The following APOB variants were observed in gnomAD, a reference collection of about 807,000 sequenced individuals.
APOB encodes apolipoprotein B, also known as apolipoprotein B-100.
APOB carries 153 observed loss-of-function variants against 314.1 expected under a neutral mutation model. That is an observed-to-expected ratio of 0.49 (90% confidence interval 0.43 to 0.56). The LOEUF (loss-of-function observed/expected upper bound fraction) is 0.56. APOB is among the 20% of genes least tolerant of loss of function. The probability of loss-of-function intolerance (pLI) is 0.00; values close to 1 mark genes in which losing one functional copy is unlikely to be tolerated. For synonymous variants in APOB, 2,087 were observed against 2,036.4 expected (o/e 1.02, Z -0.67); for missense variants, 5,430 against 5,350.7 (o/e 1.01, Z -0.46).
At position 21,001,939 on chromosome 2, in the gene APOB, A is replaced by T; in HGVS notation, c.13483T>A (p.Phe4495Ile). 1.2e-6 allele frequency: 2 copies of T among 1,614,014 alleles called. No individual in the cohort carries two copies. The highest frequency in any genetic ancestry group is 1.7e-6 in the Non-Finnish European group (2 of 1,179,970). ...KKIISDYHQQ[F>I]RYKLQDFSDQ... ...GAAAAATCTTGCAGTTTATATCTAA[A>T]CTGCTGGTGGTAATCAGAAATTATT... The change falls in exon 29 of 29, where the codon TTT becomes ATT. Residue 4495 changes from phenylalanine (F) to isoleucine (I), a missense_variant. Coordinates refer to ENST00000233242, the MANE Select transcript of APOB (RefSeq NM_000384.3).
chr2:21,032,428 C>T lies in APOB; in HGVS notation c.1278G>A (p.Leu426=). Residue 426 remains leucine (L), a synonymous_variant, in exon 10 of 29, where the codon CTG becomes CTA. Coordinates refer to ENST00000233242, the MANE Select transcript of APOB (RefSeq NM_000384.3). ...ALIPEPSAQQ[L]REIFNMARDQ... is the part of the protein sequence containing the mutation. ...CCCTCGCCATGTTGAAGATCTCTCG[C>T]AGCTGCTGTGCTGAGGGCTCGGGGA... 2 of 1,614,130 alleles carry T rather than the reference C, an allele frequency of 1.2e-6. No homozygotes were observed. Among genetic ancestry groups the T allele is most frequent in the Non-Finnish European group, 1.7e-6 (2 of 1,180,040 alleles).
At chr2:21,016,703 G>T (rs754936845) in intron 20 of APOB, 54 bp from the exon 21 acceptor site, 38 of 1,239,940 alleles carry the variant, frequency 3.1e-5, no homozygotes, top group Admixed American at 5.1e-5. Flanking sequence ...CTATGTTTTG[G>T]GCCGGGTGCG....
chr2:21,008,398 G>C lies in APOB; in HGVS notation c.8470C>G (p.Leu2824Val), dbSNP rs757424322. 30 of 1,613,910 alleles carry C rather than the reference G, an allele frequency of 1.9e-5. No homozygotes were observed. The highest frequency in any genetic ancestry group is 2.5e-5 in the Non-Finnish European group (29 of 1,179,982). Residue 2824 changes from leucine (L) to valine (V), a missense_variant, in exon 26 of 29, where the codon CTG (leucine) becomes GTG (valine). Physicochemically the swap from Leu to Val is conservative, Grantham distance 32. Transcript: ENST00000233242. ...CTGGAGAACTTCACTGACTCCTTCA[G>C]AGCCAGCGGATTAATCTTAGGGTTT... Reference protein sequence around the residue: ...LSNPKINPLALKESVKFSSKY... With the variant: ...LSNPKINPLAVKESVKFSSKY...
chr2:21,008,764 G>C lies in APOB; in HGVS notation c.8104C>G (p.Pro2702Ala). Residue 2702 changes from proline (P) to alanine (A), a missense_variant, in exon 26 of 29, where the codon CCT (proline) becomes GCT (alanine). Pro to Ala is a conservative substitution (Grantham distance 27). This residue lies in a region of APOB where 3,281 missense variants were observed against 3,171.0 expected (regional missense o/e 1.03). Coordinates refer to ENST00000233242, the MANE Select transcript of APOB (RefSeq NM_000384.3). Reference sequence around the variant, plus strand: ...TCTGGCAGGGTGATTCTCGCTAGAGGAATGTCCTCCACCTTCAGATCCCTG... The same window carrying C: ...TCTGGCAGGGTGATTCTCGCTAGAGCAATGTCCTCCACCTTCAGATCCCTG... ...YLRDLKVEDI[P>A]LARITLPDFR... The C allele has an allele frequency of 6.2e-7, 1 of 1,614,040 alleles. No homozygotes were observed. Among genetic ancestry groups the C allele is most frequent in the Non-Finnish European group, 8.5e-7 (1 of 1,179,946 alleles).
In APOB at chr2:21,011,802, C is replaced by A. The variant is rs151009667; in HGVS notation, c.5066G>T (p.Arg1689Leu). ...GAATTTTGCATTGTGTTCCCTGAAG[C>A]GGCCATTTGTTGTTAATTTCATAGA... ...GASMKLTTNG[R>L]FREHNAKFSL... Residue 1689 changes from arginine (R) to leucine (L), a missense_variant, in exon 26 of 29, where the codon CGC (arginine) becomes CTC (leucine). Physicochemically the swap from Arg to Leu is moderately radical, Grantham distance 102. This residue lies in a region of APOB where 2,085 missense variants were observed against 2,079.7 expected (regional missense o/e 1.00). Coordinates refer to ENST00000233242, the MANE Select transcript of APOB (RefSeq NM_000384.3). 2.5e-6 allele frequency: 4 copies of A among 1,614,064 alleles called. No homozygotes were observed. Among genetic ancestry groups the A allele is most frequent in the Non-Finnish European group, 2.5e-6 (3 of 1,180,002 alleles).
rs1173551938 is a variant in APOB, at chr2:21,006,254, A to T, written c.10614T>A (p.Ile3538=). Residue 3538 remains isoleucine, a synonymous_variant, in exon 26 of 29, where the codon ATT becomes ATA. Coordinates refer to ENST00000233242, the MANE Select transcript of APOB (RefSeq NM_000384.3). Reference sequence around the variant, plus strand: ...TTACTTCAAGGTTCCAGATATCATCAATTTTGGAAGTGCCCTGCAGCTTCA... The same window carrying T: ...TTACTTCAAGGTTCCAGATATCATCTATTTTGGAAGTGCCCTGCAGCTTCA... ...SSVKLQGTSK[I]DDIWNLEVKE... The T allele has an allele frequency of 7.4e-6, 12 of 1,614,034 alleles. No individual in the cohort carries two copies. The highest frequency in any genetic ancestry group is 4.5e-5 in the East Asian group (2 of 44,882).
chr2:21,034,680 C>A (rs1017260886), intron 8 of APOB, 136 bp downstream of exon 8: 1 of 739,936 alleles, frequency 1.4e-6, no homozygotes. Flanking sequence ...TGCTTTCTCA[C>A]TAGAGGTAGC....
chr2:21,002,552 G>A lies in APOB; in HGVS notation c.12870C>T (p.Leu4290=). 2 of 1,613,992 alleles carry A rather than the reference G, an allele frequency of 1.2e-6. No homozygotes were observed. The highest frequency in any genetic ancestry group is 1.7e-6 in the Non-Finnish European group (2 of 1,179,932). Residue 4290 remains leucine (L), a synonymous_variant, in exon 29 of 29, where the codon CTC becomes CTT. Transcript: ENST00000233242. The stretch of plus-strand genomic sequence containing the variant: ...GATTACGTAGCACCTCTGTGGTCTT[G>A]AGAGACTGAATGGCTTTAAATACCT... ...AQEVFKAIQS[L]KTTEVLRNLQ...
rs182561283 is a variant in APOB at position 21,015,644 on chromosome 2, T to C, written c.3333-99A>G. 3,061 of 1,295,212 alleles carry C rather than the reference T, an allele frequency of 2.4e-3. 10 individuals are homozygous for C. The highest frequency in any genetic ancestry group is 2.7e-3 in the South Asian group (223 of 81,408). 80.2% of individuals were successfully genotyped at this position (1,295,212 alleles called of 1,614,324 possible). ...TCCATTTGTGGTGATCAAAACCAGA[T>C]ACAAGGATGGTTCAGAGAAACAGCC... On this transcript the variant is annotated intron_variant, in intron 21 of 28. Transcript: ENST00000233242.
At position 21,005,477 on chromosome 2, in the gene APOB, T is replaced by A; in HGVS notation, c.11391A>T (p.Leu3797Phe). 1 of 1,614,090 alleles carries A rather than the reference T, an allele frequency of 6.2e-7. No homozygotes were observed. The highest frequency in any genetic ancestry group is 1.1e-5 in the South Asian group (1 of 91,086). The change falls in exon 26 of 29, where the codon TTA (leucine) becomes TTT (phenylalanine). Residue 3797 changes from leucine to phenylalanine, a missense_variant. Around this residue, in one of 3 missense-constraint regions of APOB, gnomAD observed 3,281 missense variants for 3,171.0 expected, o/e 1.03. Transcript: ENST00000233242. The stretch of plus-strand genomic sequence containing the variant: ...AGTCTTCTGGTTGAGAATATTTTGT[T>A]AACACATCAACTTCAGGGAATTTTA... ...PEVKFPEVDVLTKYSQPEDSL... is the reference protein window; with the variant it reads ...PEVKFPEVDVFTKYSQPEDSL...
In APOB at chr2:21,009,025, G is replaced by C. The variant is rs143056106; in HGVS notation, c.7843C>G (p.Pro2615Ala). ...QALQKATFQT[P>A]DFIVPLTDLR... ...TCTGTTAGGGGGACTATAAAATCAGGTGTCTGGAAGGTAGCTTTCTGAAGA... is the reference window on the plus strand; with the variant it reads ...TCTGTTAGGGGGACTATAAAATCAGCTGTCTGGAAGGTAGCTTTCTGAAGA... Residue 2615 changes from proline (P) to alanine (A), a missense_variant, in exon 26 of 29, where the codon CCT (proline) becomes GCT (alanine). Transcript: ENST00000233242. 15 of 1,613,950 alleles carry C rather than the reference G, an allele frequency of 9.3e-6. No individual in the cohort carries two copies. The East Asian group carries it at 2.9e-4, about 31-fold the overall frequency.
Position 21,009,803 on chromosome 2 carries a change from C to A in APOB, c.7065G>T (p.Gln2355His), listed in dbSNP as rs745718047. The change falls in exon 26 of 29, where the codon CAG (glutamine) becomes CAT (histidine). Residue 2355 changes from glutamine to histidine, a missense_variant. This residue lies in a region of APOB where 3,281 missense variants were observed against 3,171.0 expected (regional missense o/e 1.03). Transcript: ENST00000233242. ...IERYEVDQQI[Q>H]VLMDKLVELA... is the part of the protein sequence containing the mutation. ...ACTCTACTAATTTATCCATTAAAAC[C>A]TGGATTTGTTGGTCTACTTCATACC... 1 of 1,614,026 alleles carries A rather than the reference C, an allele frequency of 6.2e-7. No homozygotes were observed. Among genetic ancestry groups the A allele is most frequent in the African/African-American group, 1.3e-5 (1 of 75,028 alleles).
intron 13 of APOB, 22 bp from the exon 14 acceptor site, chr2:21,028,087 T>C: frequency 6.7e-7 from 1 of 1,501,068 alleles, no homozygotes; most frequent in South Asian, 1.1e-5. Context: ...GAAGTATATT[T>C]TGAGCTGACA....
chr2:21,001,438 C>G lies in APOB; in HGVS notation c.*292G>C. On this transcript the variant is annotated 3_prime_UTR_variant, in exon 29 of 29. Coordinates refer to ENST00000233242, the MANE Select transcript of APOB (RefSeq NM_000384.3). Reference sequence around the variant, plus strand: ...GAGCCACATTCAGTGGTATGATACACAATAAAGACTCCATTTATTTGTTCC... The same window carrying G: ...GAGCCACATTCAGTGGTATGATACAGAATAAAGACTCCATTTATTTGTTCC... The G allele has an allele frequency of 2.6e-6, 1 of 380,394 alleles. No individual in the cohort carries two copies. The highest frequency in any genetic ancestry group is 5.7e-5 in the East Asian group (1 of 17,566). The allele number at this position is 380,394 out of a possible 1,614,324, so 23.6% of individuals were successfully genotyped here.
Position 21,029,999 on chromosome 2 carries a change from G to C in APOB, c.1369C>G (p.Pro457Ala), listed in dbSNP as rs372538972. ...HAVNNYHKTN[P>A]TGTQELLDIA... ...TCCAGCAGCTCCTGGGTCCCTGTAG[G>C]GTTTGTCTTATGATAGCTACAGAAT... is the stretch of plus-strand genomic sequence containing the variant. The change falls in exon 11 of 29, where the codon CCT becomes GCT. Residue 457 changes from proline to alanine, a missense_variant. Around this residue, in one of 3 missense-constraint regions of APOB, gnomAD observed 2,085 missense variants for 2,079.7 expected, o/e 1.00. Transcript: ENST00000233242. 1.2e-6 allele frequency: 2 copies of C among 1,611,928 alleles called. No individual in the cohort carries two copies. Among genetic ancestry groups the C allele is most frequent in the Non-Finnish European group, 1.7e-6 (2 of 1,178,018 alleles).
At position 21,002,575 on chromosome 2, in the gene APOB, C is replaced by G; in HGVS notation, c.12847G>C (p.Val4283Leu). The G allele has an allele frequency of 6.2e-7, 1 of 1,613,990 alleles. No homozygotes were observed. The change falls in exon 29 of 29, where the codon GTA (valine) becomes CTA (leucine). Residue 4283 changes from valine (V) to leucine (L), a missense_variant. Val to Leu is a conservative substitution (Grantham distance 32). This residue lies in a region of APOB where 3,281 missense variants were observed against 3,171.0 expected (regional missense o/e 1.03). Transcript: ENST00000233242. Reference protein sequence around the residue: ...LKDLSKEAQEVFKAIQSLKTT... With the variant: ...LKDLSKEAQELFKAIQSLKTT... Reference sequence around the variant, plus strand: ...TTGAGAGACTGAATGGCTTTAAATACCTCTTGGGCTTCTTTTGATAAATCT... The same window carrying G: ...TTGAGAGACTGAATGGCTTTAAATAGCTCTTGGGCTTCTTTTGATAAATCT...
rs750036189 is a variant in APOB at position 21,011,131 on chromosome 2, C to T, written c.5737G>A (p.Gly1913Ser). The stretch of plus-strand genomic sequence containing the variant: ...CCCCAGAGAGCGAGTTTCCCATTGC[C>T]ATTTGTATGTGCATCGATGGTCATG... ...FTMTIDAHTN[G>S]NGKLALWGEH... The change falls in exon 26 of 29, where the codon GGC becomes AGC. Residue 1913 changes from glycine (G) to serine (S), a missense_variant. Transcript: ENST00000233242. 1.7e-5 allele frequency: 28 copies of T among 1,614,202 alleles called. No individual in the cohort carries two copies. Among genetic ancestry groups the T allele is most frequent in the Non-Finnish European group, 2.3e-5 (27 of 1,180,022 alleles).
rs61743512 is a variant in APOB, at chr2:21,005,326, C to A, written c.11542G>T (p.Ala3848Ser). 6.2e-7 allele frequency: 1 copy of A among 1,614,008 alleles called. No homozygotes were observed. The highest frequency in any genetic ancestry group is 8.5e-7 in the Non-Finnish European group (1 of 1,179,954). Reference sequence around the variant, plus strand: ...ATGATGGTGGGCAACTCAAAGTCTGCGATCTTGTTGGCTACTGCATTTAGA... The same window carrying A: ...ATGATGGTGGGCAACTCAAAGTCTGAGATCTTGTTGGCTACTGCATTTAGA... ...LDLNAVANKI[A>S]DFELPTIIVP... is the part of the protein sequence containing the mutation. Residue 3848 changes from alanine to serine, a missense_variant, in exon 26 of 29, where the codon GCA (alanine) becomes TCA (serine). By Grantham distance (99) the Ala-to-Ser change is moderately conservative (BLOSUM62 1). Around this residue, in one of 3 missense-constraint regions of APOB, gnomAD observed 3,281 missense variants for 3,171.0 expected, o/e 1.03. Transcript: ENST00000233242.
At chr2:21,024,630 A>G (rs1663688512) in intron 16 of APOB, 1 of 526,000 alleles carries the variant, frequency 1.9e-6, no homozygotes, top group Non-Finnish European at 3.3e-6. Flanking sequence ...AAAAAAATAA[A>G]AATAAAAATA....
Sources: gnomAD v4.1 joint callset for allele counts on GRCh38, gnomAD v4.1.1 for gene constraint, gnomAD v4.1.1 regional missense constraint, MANE v1.5 for transcripts, NCBI Gene and HGNC (gene_info 2026-07-23, HGNC 2026-07-21) for gene names.